CDC42BPA: variants seen among roughly 807,000 people sequenced by gnomAD.
CDC42BPA encodes serine/threonine-protein kinase MRCK alpha.
A neutral mutation model predicts 223.5 loss-of-function variants in CDC42BPA; 80 were observed. The observed-to-expected ratio is 0.36, with a 90% CI of 0.30 to 0.43. The LOEUF (loss-of-function observed/expected upper bound fraction) is 0.43, where lower values mean the gene tolerates loss of function less well. Ranked by LOEUF, CDC42BPA falls within the 20% of genes least tolerant of loss-of-function variation. The pLI is 1.00. For missense variants in CDC42BPA, 1,743 were observed against 2,099.9 expected, an observed-to-expected ratio of 0.83 and a Z score of 3.32; for synonymous variants, 694 against 718.6, an observed-to-expected ratio of 0.97 and a Z score of 0.55.
chr1:227,047,927 C>G lies in CDC42BPA; in HGVS notation c.3093G>C (p.Lys1031Asn). Residue 1031 changes from lysine to asparagine, a missense_variant and splice_region_variant, in exon 23 of 37, where the codon AAG becomes AAC. By Grantham distance (94) the Lys-to-Asn change is moderately conservative. Transcript: ENST00000366766. ...CTATGCTTATAACTAGATTGAGTACCTTAGGTGGAAAGCCAGTTGAACCAG... is the reference window on the plus strand; with the variant it reads ...CTATGCTTATAACTAGATTGAGTACGTTAGGTGGAAAGCCAGTTGAACCAG... ...GCPGSTGFPP[K>N]RKTHQFFVKS... 2 of 1,590,458 alleles carry G rather than the reference C, an allele frequency of 1.3e-6. No homozygotes were observed. The highest frequency in any genetic ancestry group is 1.7e-6 in the Non-Finnish European group (2 of 1,159,472).
chr1:227,283,081 T>C (rs1355138680), intron 1 of CDC42BPA, among the ~76,000 whole-genome samples: 3 of 152,162 alleles, frequency 2.0e-5, no homozygotes, highest in Admixed American at 6.5e-5. Flanking sequence ...ATTCTACCCA[T>C]TGACTTAATC....
chr1:227,144,255 T>C (rs1571948643), intron 8 of CDC42BPA, among the ~76,000 whole-genome samples: 1 of 152,056 alleles, frequency 6.6e-6, no homozygotes, highest in South Asian at 2.1e-4. Context: ...ATAAAATAAC[T>C]GAATAAAAAT....
chr1:227,016,918 A>C lies in CDC42BPA; in HGVS notation c.4739+9T>G, dbSNP rs762737464. 1 of 1,609,082 alleles carries C rather than the reference A, an allele frequency of 6.2e-7. No individual in the cohort carries two copies. Among genetic ancestry groups the C allele is most frequent in the African/African-American group, 1.3e-5 (1 of 74,868 alleles). On this transcript the variant is annotated intron_variant, in intron 33 of 36. Coordinates refer to ENST00000366766, the MANE Select transcript of CDC42BPA (RefSeq NM_001394014.1). The stretch of plus-strand genomic sequence containing the variant: ...CAAGCATGGATGATACTACAGGTTA[A>C]GTATCTACCTCCTCTGCTGCATCCT...
At chr1:227,200,268 C>G (rs1180270893) in intron 3 of CDC42BPA, among the ~76,000 whole-genome samples, 1 of 151,844 alleles carries the variant, frequency 6.6e-6, no homozygotes, top group African/African-American at 2.4e-5. Flanking sequence ...CTGTCTCTAA[C>G]AAAAATACAA....
At chr1:227,088,358 T>C (rs549510743) in intron 16 of CDC42BPA, among the ~76,000 whole-genome samples, 43 of 152,322 alleles carry the variant, frequency 2.8e-4, no homozygotes, top group Admixed American at 1.1e-3. Context: ...TATTTGTACA[T>C]TGACACATTT....
intron 3 of CDC42BPA, among the ~76,000 whole-genome samples, chr1:227,210,947 G>A (rs969630718): frequency 5.3e-5 from 8 of 152,128 alleles, no homozygotes; most frequent in Non-Finnish European, 1.0e-4. Flanking sequence ...CTTCTCAAGA[G>A]CCATTTCTGC....
At chr1:227,263,820 G>C (rs111473518) in intron 1 of CDC42BPA, among the ~76,000 whole-genome samples, 8,549 of 152,058 alleles carry the variant, frequency 0.056, 790 homozygotes, top group African/African-American at 0.19. Context: ...GACCTCAGGT[G>C]ATCCACCCAC....
intron 3 of CDC42BPA, among the ~76,000 whole-genome samples, chr1:227,205,127 T>C (rs1423090995): frequency 6.6e-6 from 1 of 151,384 alleles, no homozygotes; most frequent in Non-Finnish European, 1.5e-5. Flanking sequence ...GGTGTGGTGG[T>C]GGGAGGTACT....
intron 12 of CDC42BPA, among the ~76,000 whole-genome samples, chr1:227,116,149 A>C (rs187295648): frequency 1.3e-5 from 2 of 152,326 alleles, no homozygotes; most frequent in Admixed American, 6.5e-5. Context: ...TAAAGCATTC[A>C]CAACAGTGCT....
chr1:227,124,037 A>T (rs9426607), intron 11 of CDC42BPA, among the ~76,000 whole-genome samples: 1 of 152,022 alleles, frequency 6.6e-6, no homozygotes, highest in Non-Finnish European at 1.5e-5. Flanking sequence ...TGAGGTATGA[A>T]TTTTTTATTT....
At chr1:227,257,897 G>A (rs1405985148) in intron 1 of CDC42BPA, among the ~76,000 whole-genome samples, 2 of 151,068 alleles carry the variant, frequency 1.3e-5, no homozygotes, top group Admixed American at 6.6e-5. Flanking sequence ...GGGGCCGGGT[G>A]TGGTGGTTCA....
intron 32 of CDC42BPA, among the ~76,000 whole-genome samples, chr1:227,018,819 G>A (rs188534351): frequency 0.012 from 1,863 of 152,226 alleles, 22 homozygotes; most frequent in African/African-American, 0.035. Context: ...GCAACAGTAC[G>A]TGTCTAAAAA....
At chr1:227,010,563 T>C (rs1370453053) in intron 34 of CDC42BPA, among the ~76,000 whole-genome samples, 1 of 152,168 alleles carries the variant, frequency 6.6e-6, no homozygotes, top group African/African-American at 2.4e-5. Flanking sequence ...TTTAACAGAA[T>C]AGAGAGCTAT....
chr1:227,112,969 T>C lies in CDC42BPA; in HGVS notation c.1648-56A>G. The C allele has an allele frequency of 5.1e-6, 8 of 1,579,942 alleles. 1 individual carries two copies. The South Asian group carries it at 8.2e-5, about 16-fold the overall frequency. ...CAATTCTGCAACCTAGAGACCAAATTTGGCCATCAGAATAGCTATCATTAA... is the reference window on the plus strand; with the variant it reads ...CAATTCTGCAACCTAGAGACCAAATCTGGCCATCAGAATAGCTATCATTAA... On this transcript the variant is annotated intron_variant, in intron 12 of 36. Transcript: ENST00000366766.
intron 21 of CDC42BPA, among the ~76,000 whole-genome samples, chr1:227,067,997 T>C (rs1276885188): frequency 1.3e-5 from 2 of 152,086 alleles, no homozygotes; most frequent in Non-Finnish European, 2.9e-5. Context: ...GAATGAATGA[T>C]ACACATTTAA....
chr1:227,209,358 T>G (rs1429717037), intron 3 of CDC42BPA, among the ~76,000 whole-genome samples: 1 of 143,450 alleles, frequency 7.0e-6, no homozygotes, highest in South Asian at 2.2e-4. Context: ...TTCCTTCTCC[T>G]GCCTAATTGC....
chr1:227,023,374 TCAA>T (rs764354103), intron 31 of CDC42BPA, 27 bp from the exon 32 acceptor site: 5 of 1,223,306 alleles, frequency 4.1e-6, no homozygotes, highest in Non-Finnish European at 1.2e-6. Flanking sequence ...AATTAGTATT[TCAA>T]CAAAACCTTT....
intron 10 of CDC42BPA, among the ~76,000 whole-genome samples, chr1:227,130,407 A>G (rs570831131): frequency 5.5e-4 from 84 of 152,344 alleles, no homozygotes; most frequent in African/African-American, 7.5e-4. Flanking sequence ...TCTGCATCCT[A>G]TAAGTATTTC....
chr1:227,313,427 A>G (rs1165311791), intron 1 of CDC42BPA, among the ~76,000 whole-genome samples: 1 of 152,216 alleles, frequency 6.6e-6, no homozygotes, highest in African/African-American at 2.4e-5. Context: ...AATAGCCATT[A>G]CATCTATTGA....
Sources: allele counts gnomAD v4.1 joint callset (sites outside exome capture counted in the v4.1 genomes callset), GRCh38; gene constraint gnomAD v4.1.1; transcripts MANE v1.5; gene names NCBI Gene and HGNC (gene_info 2026-07-23, HGNC 2026-07-21).